PPARGC1A: variants seen among roughly 807,000 people sequenced by gnomAD.
PPARGC1A encodes peroxisome proliferator-activated receptor gamma coactivator 1-alpha.
In PPARGC1A, 25 loss-of-function variants were observed where a neutral mutation model predicts 88.7. The ratio of observed to expected loss-of-function variants is 0.28; its 90% CI spans 0.21 to 0.39. PPARGC1A has a LOEUF of 0.39. Among genes scored for constraint, PPARGC1A ranks in the 10% least tolerant of loss-of-function variants. The pLI is 1.00. For missense variants in PPARGC1A, 880 were observed against 968.7 expected (o/e 0.91, Z 1.22); for synonymous variants, 363 against 355.6 (o/e 1.02, Z -0.24).
At chr4:23,990,663 C>T in the PPARGC1A span, among the ~76,000 whole-genome samples, 2 of 146,348 alleles carry the variant, frequency 1.4e-5, no homozygotes, top group South Asian at 2.3e-4. Context: ...TAGCTCATCA[C>T]TCAGGGGTGT....
At chr4:24,437,085 C>T in the PPARGC1A span, among the ~76,000 whole-genome samples, 1 of 152,264 alleles carries the variant, frequency 6.6e-6, no homozygotes, top group Admixed American at 6.5e-5. Flanking sequence ...CACAAGTTCT[C>T]CCTTTCTTTC....
the PPARGC1A span, among the ~76,000 whole-genome samples, chr4:24,308,284 T>C: frequency 1.1e-5 from 1 of 91,454 alleles, no homozygotes; most frequent in Admixed American, 1.7e-4. Context: ...AGAGTGAGAC[T>C]CTGCCACCGA....
chr4:23,814,173 G>C lies in PPARGC1A; in HGVS notation c.1310C>G (p.Thr437Ser), dbSNP rs1462336526. 1 of 1,613,968 alleles carries C rather than the reference G, an allele frequency of 6.2e-7. No homozygotes were observed. Among genetic ancestry groups the C allele is most frequent in the Non-Finnish European group, 8.5e-7 (1 of 1,180,000 alleles). The change falls in exon 8 of 13, where the codon ACT becomes AGT. Residue 437 changes from threonine to serine, a missense_variant. By Grantham distance (58) the Thr-to-Ser change is moderately conservative. Transcript: ENST00000264867. ...TDSDQCYLRE[T>S]LEASKQVSPC... The stretch of plus-strand genomic sequence containing the variant: ...AGAGACCTGCTTGCTTGCCTCCAAA[G>C]TCTCTCTCAGGTAGCACTGGTCTGA...
At chr4:24,428,453 G>T in the PPARGC1A span, among the ~76,000 whole-genome samples, 1 of 152,152 alleles carries the variant, frequency 6.6e-6, no homozygotes, top group African/African-American at 2.4e-5. Context: ...TTCCAAAGCA[G>T]CTCAGCTTAT....
At chr4:23,851,762 G>A (rs1480480530) in intron 2 of PPARGC1A, among the ~76,000 whole-genome samples, 1 of 152,102 alleles carries the variant, frequency 6.6e-6, no homozygotes, top group African/African-American at 2.4e-5. Flanking sequence ...TGTTTCACTA[G>A]TTACACCAAA....
At chr4:23,958,022 A>T in the PPARGC1A span, among the ~76,000 whole-genome samples, 13 of 152,044 alleles carry the variant, frequency 8.6e-5, no homozygotes, top group Admixed American at 2.0e-4. Context: ...TGTGCATTTA[A>T]ATTCAGATAC....
At chr4:23,817,140 G>A (rs1002389870) in intron 7 of PPARGC1A, among the ~76,000 whole-genome samples, 2 of 152,078 alleles carry the variant, frequency 1.3e-5, no homozygotes, top group African/African-American at 2.4e-5. Flanking sequence ...CTTCAGGAAC[G>A]CCAAATTAGG....
At chr4:23,798,788 C>G (rs1718108766) in intron 12 of PPARGC1A, among the ~76,000 whole-genome samples, 1 of 152,112 alleles carries the variant, frequency 6.6e-6, no homozygotes, top group East Asian at 1.9e-4. Context: ...GACACACAGA[C>G]TACTGATTCA....
chr4:23,857,373 GAC>G (rs1553893627), intron 2 of PPARGC1A, among the ~76,000 whole-genome samples: 7 of 104,436 alleles, frequency 6.7e-5, no homozygotes, highest in East Asian at 2.7e-4. Flanking sequence ...GTGTGTGTGT[GAC>G]ACACACACAC....
the PPARGC1A span, among the ~76,000 whole-genome samples, chr4:24,296,890 A>G: frequency 2.0e-5 from 3 of 152,154 alleles, no homozygotes; most frequent in Admixed American, 6.5e-5. Flanking sequence ...ACTGCCAAGT[A>G]TATCTCCTCC....
chr4:23,853,510 G>C (rs1191837375), intron 2 of PPARGC1A, among the ~76,000 whole-genome samples: 2 of 152,160 alleles, frequency 1.3e-5, no homozygotes, highest in East Asian at 3.9e-4. Flanking sequence ...CAAATTTGGA[G>C]ATGGGACAGG....
At chr4:24,238,739 TTGTATATGTG>T in the PPARGC1A span, among the ~76,000 whole-genome samples, 2 of 129,776 alleles carry the variant, frequency 1.5e-5, no homozygotes, top group South Asian at 2.7e-4. Context: ...CAATCCAAGG[TTGTATATGTG>T]TGTGTGTGTG....
At chr4:24,270,457 G>T in the PPARGC1A span, among the ~76,000 whole-genome samples, 1 of 151,832 alleles carries the variant, frequency 6.6e-6, no homozygotes, top group South Asian at 2.1e-4. Context: ...TAAATATAGG[G>T]CACTACTAAT....
At chr4:24,315,233 G>A in the PPARGC1A span, among the ~76,000 whole-genome samples, 1 of 152,134 alleles carries the variant, frequency 6.6e-6, no homozygotes, top group Non-Finnish European at 1.5e-5. Context: ...TTGAAAGGAT[G>A]CTGAAGCCAC....
At chr4:24,336,555 C>T in the PPARGC1A span, among the ~76,000 whole-genome samples, 13 of 152,222 alleles carry the variant, frequency 8.5e-5, no homozygotes, top group South Asian at 1.5e-3. Flanking sequence ...ACAAACATCA[C>T]GTTTGTTCAT....
the PPARGC1A span, among the ~76,000 whole-genome samples, chr4:24,280,095 C>T: frequency 6.6e-6 from 1 of 152,182 alleles, no homozygotes; most frequent in Non-Finnish European, 1.5e-5. Flanking sequence ...GCCAGACACA[C>T]GTCTCATCTT....
intron 7 of PPARGC1A, among the ~76,000 whole-genome samples, chr4:23,821,064 T>C (rs1722924300): frequency 6.6e-6 from 1 of 152,122 alleles, no homozygotes; most frequent in Non-Finnish European, 1.5e-5. Flanking sequence ...GAGCACAGAC[T>C]TGGCCTTAGA....
At chr4:24,007,241 C>G in the PPARGC1A span, among the ~76,000 whole-genome samples, 1 of 151,988 alleles carries the variant, frequency 6.6e-6, no homozygotes, top group East Asian at 1.9e-4. Context: ...CTTTTCTTGC[C>G]CTCTCTCACA....
chr4:24,158,011 T>C, the PPARGC1A span, among the ~76,000 whole-genome samples: 1 of 152,156 alleles, frequency 6.6e-6, no homozygotes, highest in Non-Finnish European at 1.5e-5. Context: ...TTACCAAGGC[T>C]TAGGAATGCC....
Sources: allele counts gnomAD v4.1 joint callset (sites outside exome capture counted in the v4.1 genomes callset), GRCh38; gene constraint gnomAD v4.1.1; transcripts MANE v1.5; gene names NCBI Gene and HGNC (gene_info 2026-07-23, HGNC 2026-07-21).